Variants in CNTN1 observed in about 807,000 individuals in gnomAD.
The protein encoded by CNTN1 is contactin 1, also known as contactin-1.
CNTN1 carries 38 observed loss-of-function variants against 126.4 expected under a neutral mutation model. That is an observed-to-expected ratio of 0.30 (90% CI 0.23 to 0.39). The LOEUF (loss-of-function observed/expected upper bound fraction) is 0.39, where lower values mean the gene tolerates loss of function less well. CNTN1 is among the 10% of genes least tolerant of loss of function. The pLI is 1.00. For missense variants in CNTN1, 1,009 were observed against 1,248.4 expected (o/e 0.81, Z 2.89); for synonymous variants, 413 against 422.6 (o/e 0.98, Z 0.28).
At chr12:41,022,284 A>AT (rs1400038282) in intron 20 of CNTN1, among the ~76,000 whole-genome samples, 1 of 152,188 alleles carries the variant, frequency 6.6e-6, no homozygotes, top group Non-Finnish European at 1.5e-5. Context: ...ATCAAAGAAG[A>AT]TTTTTTTCAA....
At chr12:40,777,993 T>A (rs1378191564) in intron 1 of CNTN1, among the ~76,000 whole-genome samples, 2 of 151,864 alleles carry the variant, frequency 1.3e-5, no homozygotes, top group Non-Finnish European at 2.9e-5. Flanking sequence ...CTTACGCTAA[T>A]GTAAAGGGGC....
chr12:40,829,600 A>G lies in CNTN1; in HGVS notation c.-76-78757A>G, dbSNP rs1941738611. On this transcript the variant is annotated intron_variant, in intron 1 of 23. Coordinates refer to ENST00000551295, the MANE Select transcript of CNTN1 (RefSeq NM_001843.4). ...TTCAATTCTGCTACAATGTTGCTATATTATTTGGATTTCCTGTTGTCCAGG... is the reference window on the plus strand; with the variant it reads ...TTCAATTCTGCTACAATGTTGCTATGTTATTTGGATTTCCTGTTGTCCAGG... Among the ~76,000 whole-genome samples, 4 of 152,110 alleles carry G rather than the reference A, an allele frequency of 2.6e-5. No individual in the cohort carries two copies. In the South Asian group the frequency reaches 8.3e-4, roughly 31 times the overall value.
chr12:40,695,380 C>G (rs1369358985), intron 1 of CNTN1, among the ~76,000 whole-genome samples: 1 of 152,170 alleles, frequency 6.6e-6, no homozygotes, highest in Non-Finnish European at 1.5e-5. Context: ...TAGAATGACT[C>G]GGTTCTACAG....
chr12:40,758,118 A>C (rs1938685295), intron 1 of CNTN1, among the ~76,000 whole-genome samples: 1 of 150,764 alleles, frequency 6.6e-6, no homozygotes, highest in Non-Finnish European at 1.5e-5. Context: ...CATTGTAGAT[A>C]GTTATTATCT....
intron 1 of CNTN1, among the ~76,000 whole-genome samples, chr12:40,897,034 C>T (rs1372704720): frequency 6.6e-6 from 1 of 152,178 alleles, no homozygotes; most frequent in Non-Finnish European, 1.5e-5. Flanking sequence ...AGATGGAGTA[C>T]ATATATCTTA....
intron 1 of CNTN1, among the ~76,000 whole-genome samples, chr12:40,907,700 A>G (rs1944882275): frequency 6.6e-6 from 1 of 152,220 alleles, no homozygotes; most frequent in Non-Finnish European, 1.5e-5. Flanking sequence ...CAAAACCTTG[A>G]TTGTCCCCTG....
chr12:41,005,712 C>T (rs1948474989), intron 17 of CNTN1, among the ~76,000 whole-genome samples: 1 of 152,152 alleles, frequency 6.6e-6, no homozygotes, highest in Admixed American at 6.5e-5. Flanking sequence ...GTCTATTCTG[C>T]TGTTGATACT....
intron 14 of CNTN1, among the ~76,000 whole-genome samples, chr12:40,956,692 A>T (rs1223899806): frequency 6.6e-6 from 1 of 152,074 alleles, no homozygotes; most frequent in African/African-American, 2.4e-5. Flanking sequence ...GGAGCATCAG[A>T]GAGAGCCTAG....
rs748572211 is a variant in CNTN1 at position 40,922,334 on chromosome 12, C to T, written c.306C>T (p.Asn102=). Residue 102 remains asparagine (N), a synonymous_variant, in exon 5 of 24, where the codon AAC becomes AAT. Transcript: ENST00000551295. ...TAGGAGGAAACCTTGTTATCAACAACCCTGACAAACAGAAAGATGCTGGAA... is the reference window on the plus strand; with the variant it reads ...TAGGAGGAAACCTTGTTATCAACAATCCTGACAAACAGAAAGATGCTGGAA... ...SMVGGNLVIN[N]PDKQKDAGIY... is the part of the protein sequence containing the mutation. 1.9e-6 allele frequency: 3 copies of T among 1,613,936 alleles called. No homozygotes were observed. The highest frequency in any genetic ancestry group is 2.5e-6 in the Non-Finnish European group (3 of 1,179,894).
At chr12:40,801,020 T>G (rs1940630519) in intron 1 of CNTN1, among the ~76,000 whole-genome samples, 1 of 151,148 alleles carries the variant, frequency 6.6e-6, no homozygotes, top group Admixed American at 6.6e-5. Context: ...GTTTTGTTTT[T>G]TTTTTTTTTA....
chr12:40,840,161 C>T (rs1942219703), intron 1 of CNTN1, among the ~76,000 whole-genome samples: 1 of 151,632 alleles, frequency 6.6e-6, no homozygotes, highest in African/African-American at 2.4e-5. Flanking sequence ...AGATATTCCA[C>T]ATAAAAGGAA....
At chr12:41,017,511 C>A (rs2120753630) in intron 19 of CNTN1, among the ~76,000 whole-genome samples, 1 of 151,346 alleles carries the variant, frequency 6.6e-6, no homozygotes, top group Non-Finnish European at 1.5e-5. Context: ...ATACAGAACA[C>A]AAATTTTGTT....
chr12:40,829,332 T>C (rs551795848), intron 1 of CNTN1, among the ~76,000 whole-genome samples: 1 of 152,060 alleles, frequency 6.6e-6, no homozygotes, highest in Non-Finnish European at 1.5e-5. Flanking sequence ...ATATATACTA[T>C]AATTCATAGT....
intron 1 of CNTN1, among the ~76,000 whole-genome samples, chr12:40,837,177 T>C (rs563575989): frequency 1.1e-4 from 16 of 152,302 alleles, no homozygotes; most frequent in African/African-American, 3.8e-4. Context: ...GATGGCTGAC[T>C]AGAAAGAAGC....
At chr12:40,743,239 C>T (rs977749028) in intron 1 of CNTN1, among the ~76,000 whole-genome samples, 6 of 151,962 alleles carry the variant, frequency 3.9e-5, no homozygotes, top group South Asian at 2.1e-4. Flanking sequence ...AGGTGTGGGG[C>T]GGGAGTGACA....
At chr12:41,048,853 C>T (rs1371023810) in intron 23 of CNTN1, among the ~76,000 whole-genome samples, 2 of 152,172 alleles carry the variant, frequency 1.3e-5, no homozygotes, top group African/African-American at 2.4e-5. Flanking sequence ...GTTCTATTAT[C>T]TTCTTTGGAG....
In CNTN1 at chr12:40,999,738, T is replaced by C. The variant is rs886266168; in HGVS notation, c.2113+6469T>C. Reference sequence around the variant, plus strand: ...TTTTTTTTGAGACAGCATCTTGCTCTGTCGCCCAGGCTGGAGTGCAGTGGC... The same window carrying C: ...TTTTTTTTGAGACAGCATCTTGCTCCGTCGCCCAGGCTGGAGTGCAGTGGC... On this transcript the variant is annotated intron_variant, in intron 17 of 23. Coordinates refer to ENST00000551295, the MANE Select transcript of CNTN1 (RefSeq NM_001843.4). Among the ~76,000 whole-genome samples the C allele has an allele frequency of 2.7e-5, 4 of 146,832 alleles. No individual in the cohort carries two copies. The Admixed American group carries it at 2.8e-4, about 10-fold the overall frequency.
At chr12:40,950,690 A>C (rs2136977555) in intron 14 of CNTN1, among the ~76,000 whole-genome samples, 1 of 152,242 alleles carries the variant, frequency 6.6e-6, no homozygotes, top group East Asian at 1.9e-4. Context: ...TTACTACCTT[A>C]ATAAACCTTT....
chr12:40,981,546 T>C (rs893644345), intron 16 of CNTN1, among the ~76,000 whole-genome samples: 4 of 152,158 alleles, frequency 2.6e-5, no homozygotes, highest in African/African-American at 9.6e-5. Flanking sequence ...CTCACCCGGT[T>C]TGAATTTCCT....
Sources: gnomAD v4.1 joint callset for allele counts (sites outside exome capture counted in the v4.1 genomes callset) on GRCh38, gnomAD v4.1.1 for gene constraint, MANE v1.5 for transcripts, NCBI Gene and HGNC (gene_info 2026-07-23, HGNC 2026-07-21) for gene names.